Variants in RLF observed in about 807,000 individuals in gnomAD.
RLF encodes RLF zinc finger.
RLF carries 7 observed loss-of-function variants against 162.9 expected under a neutral mutation model. The observed-to-expected ratio is 0.04, with a 90% CI of 0.02 to 0.08. The LOEUF (loss-of-function observed/expected upper bound fraction) is 0.08. RLF is among the 10% of genes least tolerant of loss of function. The pLI is 1.00. For missense variants in RLF, 1,664 were observed against 2,244.7 expected, an observed-to-expected ratio of 0.74 and a Z score of 5.23; for synonymous variants, 782 against 791.5, an observed-to-expected ratio of 0.99 and a Z score of 0.20.
intron 1 of RLF, among the ~76,000 whole-genome samples, chr1:40,186,135 G>C (rs1021861961): frequency 6.6e-6 from 1 of 150,636 alleles, no homozygotes; most frequent in African/African-American, 2.5e-5. Flanking sequence ...CCCAACCTGG[G>C]TGACAGAGTG....
intron 7 of RLF, 98 bp from the exon 8 acceptor site, chr1:40,235,694 C>A: frequency 2.4e-6 from 2 of 818,056 alleles, no homozygotes; most frequent in South Asian, 2.3e-5. Context: ...AATTTAGGAA[C>A]TCTAAAAGTT....
intron 3 of RLF, among the ~76,000 whole-genome samples, chr1:40,191,091 CAT>C (rs2124536111): frequency 6.6e-6 from 1 of 152,252 alleles, no homozygotes; most frequent in South Asian, 2.1e-4. Context: ...ATTATTCAAA[CAT>C]AAAGTTTAGA....
At chr1:40,207,239 T>C (rs1642809224) in intron 5 of RLF, among the ~76,000 whole-genome samples, 1 of 152,228 alleles carries the variant, frequency 6.6e-6, no homozygotes, top group Non-Finnish European at 1.5e-5. Context: ...TATAGCCTCA[T>C]CCCTTGATCT....
chr1:40,164,755 A>G (rs1446078822), intron 1 of RLF, among the ~76,000 whole-genome samples: 2 of 152,168 alleles, frequency 1.3e-5, no homozygotes, highest in African/African-American at 4.8e-5. Context: ...TTCATTATCA[A>G]AATTGAAATT....
chr1:40,237,069 C>T lies in RLF; in HGVS notation c.2367C>T (p.Tyr789=), dbSNP rs754461301. 6.2e-7 allele frequency: 1 copy of T among 1,614,098 alleles called. No individual in the cohort carries two copies. Among genetic ancestry groups the T allele is most frequent in the Non-Finnish European group, 8.5e-7 (1 of 1,179,978 alleles). The change falls in exon 8 of 8, where the codon TAC becomes TAT. Residue 789 remains tyrosine (Y), a synonymous_variant. Transcript: ENST00000372771. The surrounding 1 kb of genome is among the most constrained non-coding windows in gnomAD (Gnocchi z 4.4). ...NIVFSDLGQL[Y]HHEAQHFRDA... Reference sequence around the variant, plus strand: ...TTTTCAGTGACTTGGGACAGCTTTACCACCATGAAGCACAACACTTTAGGG... The same window carrying T: ...TTTTCAGTGACTTGGGACAGCTTTATCACCATGAAGCACAACACTTTAGGG...
intron 1 of RLF, among the ~76,000 whole-genome samples, chr1:40,182,761 A>G (rs58563552): frequency 1.2e-4 from 16 of 135,856 alleles, no homozygotes; most frequent in African/African-American, 4.9e-4. Flanking sequence ...AGGTAGATAG[A>G]TAGATAGATA....
At chr1:40,217,977 T>A (rs1178225599) in intron 5 of RLF, among the ~76,000 whole-genome samples, 3 of 152,216 alleles carry the variant, frequency 2.0e-5, no homozygotes, top group Non-Finnish European at 2.9e-5. Flanking sequence ...ATACTGGTTA[T>A]CATTGAGTTG....
intron 3 of RLF, among the ~76,000 whole-genome samples, chr1:40,192,941 T>C (rs1428024655): frequency 1.3e-5 from 2 of 152,138 alleles, no homozygotes; most frequent in Non-Finnish European, 2.9e-5. Context: ...CAGCCTATTT[T>C]CTGCAACTTG....
In RLF at chr1:40,236,297, A is replaced by C; in HGVS notation, c.1595A>C (p.His532Pro). 6.2e-7 allele frequency: 1 copy of C among 1,614,068 alleles called. No individual in the cohort carries two copies. The highest frequency in any genetic ancestry group is 8.5e-7 in the Non-Finnish European group (1 of 1,180,018). ...QYRRRDLTDQ[H>P]KEKRDKKPIG... The stretch of plus-strand genomic sequence containing the variant: ...AGAAGAAGAGATTTGACAGATCAGC[A>C]TAAGGAGAAAAGAGACAAAAAACCT... Residue 532 changes from histidine (H) to proline (P), a missense_variant, in exon 8 of 8, where the codon CAT (histidine) becomes CCT (proline). His to Pro is a moderately conservative substitution (Grantham distance 77, BLOSUM62 -2). Coordinates refer to ENST00000372771, the MANE Select transcript of RLF (RefSeq NM_012421.4). The surrounding 1 kb of genome is among the most constrained non-coding windows in gnomAD (Gnocchi z 7.7).
intron 5 of RLF, among the ~76,000 whole-genome samples, chr1:40,213,922 A>C (rs770169669): frequency 1.3e-4 from 20 of 152,190 alleles, no homozygotes; most frequent in Non-Finnish European, 2.9e-4. Context: ...TGCTGCCTGT[A>C]CCCACCTTCT....
At chr1:40,178,636 T>TTG (rs1553172424) in intron 1 of RLF, among the ~76,000 whole-genome samples, 8 of 147,352 alleles carry the variant, frequency 5.4e-5, no homozygotes, top group African/African-American at 2.0e-4. Context: ...TTTTTTGTTT[T>TTG]TTTTTTTTTT....
intron 5 of RLF, among the ~76,000 whole-genome samples, chr1:40,217,882 G>A (rs757839043): frequency 1.8e-4 from 27 of 152,144 alleles, no homozygotes; most frequent in Non-Finnish European, 3.7e-4. Flanking sequence ...TTTAAAATAT[G>A]TATATATTTG....
intron 6 of RLF, among the ~76,000 whole-genome samples, chr1:40,226,301 G>C (rs1424877351): frequency 6.6e-6 from 1 of 152,126 alleles, no homozygotes; most frequent in East Asian, 1.9e-4. Flanking sequence ...AATTGGAATA[G>C]TCATGCATTT....
chr1:40,214,816 A>T (rs79346249), intron 5 of RLF, among the ~76,000 whole-genome samples: 1 of 146,216 alleles, frequency 6.8e-6, no homozygotes, highest in African/African-American at 2.5e-5. Flanking sequence ...CCAGCTATTC[A>T]TGAGACTGAG....
intron 5 of RLF, among the ~76,000 whole-genome samples, chr1:40,209,341 G>A (rs1039556229): frequency 1.6e-4 from 24 of 152,170 alleles, no homozygotes; most frequent in African/African-American, 2.4e-4. Flanking sequence ...AGTAGTAGCC[G>A]TCTCACAAAA....
intron 4 of RLF, among the ~76,000 whole-genome samples, chr1:40,196,811 A>G (rs1235484416): frequency 6.6e-6 from 1 of 152,188 alleles, no homozygotes; most frequent in Non-Finnish European, 1.5e-5. Flanking sequence ...AGAATGAAAT[A>G]TCTTATTTGC....
In RLF at chr1:40,236,041, G is replaced by A. The variant is rs1251984597; in HGVS notation, c.1339G>A (p.Val447Ile). The A allele has an allele frequency of 6.2e-7, 1 of 1,613,760 alleles. No individual in the cohort carries two copies. Among genetic ancestry groups the A allele is most frequent in the East Asian group, 2.2e-5 (1 of 44,864 alleles). The change falls in exon 8 of 8, where the codon GTT (valine) becomes ATT (isoleucine). Residue 447 changes from valine (V) to isoleucine (I), a missense_variant. This residue lies in a region of RLF where 287 missense variants were observed against 404.9 expected (regional missense o/e 0.71). Transcript: ENST00000372771. The surrounding 1 kb of genome is among the most constrained non-coding windows in gnomAD (Gnocchi z 7.7). ...DQKFDEENAPVPNSLRCELLL... is the reference protein window; with the variant it reads ...DQKFDEENAPIPNSLRCELLL... ...AAAATTTGATGAAGAAAATGCACCG[G>A]TTCCAAATTCTCTTCGATGTGAGCT...
chr1:40,235,763 AT>A (rs1643209564), intron 7 of RLF, 28 bp from the exon 8 acceptor site: 4 of 1,461,508 alleles, frequency 2.7e-6, no homozygotes, highest in South Asian at 1.5e-5. Context: ...ATGCAAAAAA[AT>A]AATTTTTTTA....
intron 1 of RLF, among the ~76,000 whole-genome samples, chr1:40,181,043 A>T (rs1290011030): frequency 6.6e-6 from 1 of 152,198 alleles, no homozygotes; most frequent in Admixed American, 6.5e-5. Flanking sequence ...TCTTTGATCC[A>T]TTTCAAGTTG....
Sources: allele counts gnomAD v4.1 joint callset (sites outside exome capture counted in the v4.1 genomes callset), GRCh38; gene constraint gnomAD v4.1.1; regional missense constraint gnomAD v4.1.1; non-coding constraint Gnocchi (gnomAD v3.1); transcripts MANE v1.5; gene names NCBI Gene and HGNC (gene_info 2026-07-23, HGNC 2026-07-21).